FHIT: variants seen among roughly 807,000 people sequenced by gnomAD.
The protein encoded by FHIT is bis(5'-adenosyl)-triphosphatase.
FHIT carries 19 observed loss-of-function variants against 17.9 expected under a neutral mutation model. The ratio of observed to expected loss-of-function variants is 1.06; its 90% CI spans 0.74 to 1.56. The LOEUF is 1.56. Ranked by LOEUF, FHIT falls within the 40% of genes most tolerant of loss-of-function variation. FHIT has a pLI of 0.00. For synonymous variants in FHIT, 81 were observed against 69.7 expected (o/e 1.16, Z -0.81); for missense variants, 248 against 189.2 (o/e 1.31, Z -1.82).
intron 5 of FHIT, among the ~76,000 whole-genome samples, chr3:60,107,818 A>T (rs1395574731): frequency 6.6e-6 from 1 of 152,238 alleles, no homozygotes; most frequent in African/African-American, 2.4e-5. Flanking sequence ...CCATAAGAAT[A>T]TTAAAAACAG....
chr3:60,691,759 C>A (rs1296988441), intron 4 of FHIT, among the ~76,000 whole-genome samples: 5 of 152,176 alleles, frequency 3.3e-5, no homozygotes, highest in Non-Finnish European at 4.4e-5. Flanking sequence ...ATTTTCTTGA[C>A]TAATCCATCT....
chr3:60,907,145 C>CAA (rs548321154), intron 3 of FHIT, among the ~76,000 whole-genome samples: 1 of 150,486 alleles, frequency 6.6e-6, no homozygotes, highest in Non-Finnish European at 1.5e-5. Context: ...AAACACAAAA[C>CAA]AAAAAAAAAC....
chr3:60,622,411 T>G (rs1317098171), intron 4 of FHIT, among the ~76,000 whole-genome samples: 2 of 152,138 alleles, frequency 1.3e-5, no homozygotes, highest in African/African-American at 4.8e-5. Context: ...CTTAGGAAAC[T>G]GCTTTTGTCA....
chr3:59,849,667 G>A (rs1399123027), intron 8 of FHIT, among the ~76,000 whole-genome samples: 1 of 152,188 alleles, frequency 6.6e-6, no homozygotes, highest in East Asian at 1.9e-4. Flanking sequence ...CAAGAGACAT[G>A]TTTAGGAGGA....
At chr3:61,246,979 T>A (rs1054323278) in intron 1 of FHIT, among the ~76,000 whole-genome samples, 7 of 151,988 alleles carry the variant, frequency 4.6e-5, no homozygotes, top group African/African-American at 1.7e-4. Flanking sequence ...CAGACCTTCT[T>A]TCTGCTCATC....
chr3:60,239,546 C>T (rs1286570456), intron 5 of FHIT, among the ~76,000 whole-genome samples: 1 of 152,148 alleles, frequency 6.6e-6, no homozygotes, highest in African/African-American at 2.4e-5. Context: ...GCCTAGGCAA[C>T]AGACCACAAC....
At chr3:60,709,529 C>A (rs756427240) in intron 4 of FHIT, among the ~76,000 whole-genome samples, 8 of 152,080 alleles carry the variant, frequency 5.3e-5, no homozygotes, top group Non-Finnish European at 7.4e-5. Flanking sequence ...TGTGAAAAAT[C>A]CATGGTCTGT....
At chr3:60,952,628 C>T (rs1708941186) in intron 3 of FHIT, among the ~76,000 whole-genome samples, 2 of 152,062 alleles carry the variant, frequency 1.3e-5, no homozygotes, top group Non-Finnish European at 2.9e-5. Context: ...CAAAACAAAA[C>T]CCAGCAGGTG....
At chr3:60,490,972 G>C (rs899159936) in intron 5 of FHIT, among the ~76,000 whole-genome samples, 1 of 152,014 alleles carries the variant, frequency 6.6e-6, no homozygotes, top group African/African-American at 2.4e-5. Flanking sequence ...GAAGACAAAA[G>C]GTAATTGCAA....
intron 3 of FHIT, among the ~76,000 whole-genome samples, chr3:60,869,196 A>G (rs1553754478): frequency 1.3e-5 from 2 of 152,204 alleles, no homozygotes; most frequent in South Asian, 4.1e-4. Context: ...CCCCTGTGGA[A>G]GATCAATTCT....
chr3:60,707,285 T>C (rs1302885599), intron 4 of FHIT, among the ~76,000 whole-genome samples: 1 of 152,200 alleles, frequency 6.6e-6, no homozygotes, highest in Non-Finnish European at 1.5e-5. Context: ...GATGATTCTA[T>C]GATCTACTAT....
At chr3:59,782,666 T>C (rs1404050803) in intron 8 of FHIT, among the ~76,000 whole-genome samples, 3 of 152,198 alleles carry the variant, frequency 2.0e-5, no homozygotes, top group Non-Finnish European at 4.4e-5. Flanking sequence ...TTGATCAGCA[T>C]ACCTCAGGCT....
intron 4 of FHIT, among the ~76,000 whole-genome samples, chr3:60,542,501 C>A (rs1197122162): frequency 6.6e-6 from 1 of 152,116 alleles, no homozygotes; most frequent in African/African-American, 2.4e-5. Flanking sequence ...GGTAAAATGG[C>A]GTCTCTTCCT....
At chr3:60,411,488 G>T (rs150111219) in intron 5 of FHIT, among the ~76,000 whole-genome samples, 1 of 152,106 alleles carries the variant, frequency 6.6e-6, no homozygotes, top group Admixed American at 6.6e-5. Context: ...ACTGCCAAAC[G>T]TTGTAGGGTT....
chr3:60,961,384 G>C (rs1709435338), intron 3 of FHIT, among the ~76,000 whole-genome samples: 1 of 152,204 alleles, frequency 6.6e-6, no homozygotes, highest in Admixed American at 6.5e-5. Flanking sequence ...TAGGTTGCCT[G>C]TTCACTCTGA....
At chr3:59,847,797 T>C (rs535135273) in intron 8 of FHIT, among the ~76,000 whole-genome samples, 1 of 152,302 alleles carries the variant, frequency 6.6e-6, no homozygotes, top group East Asian at 1.9e-4. Flanking sequence ...CAAGGATCAC[T>C]CTGAGGTATA....
intron 5 of FHIT, among the ~76,000 whole-genome samples, chr3:60,148,006 G>T (rs1236932725): frequency 6.6e-6 from 1 of 152,120 alleles, no homozygotes; most frequent in African/African-American, 2.4e-5. Flanking sequence ...GGGTTTAATA[G>T]TAAATTATTC....
chr3:60,127,564 T>C (rs1321001057), intron 5 of FHIT, among the ~76,000 whole-genome samples: 1 of 152,174 alleles, frequency 6.6e-6, no homozygotes, highest in Admixed American at 6.5e-5. Flanking sequence ...GATATACATC[T>C]TATTTTTTAT....
At chr3:59,962,322 T>A (rs1361033591) in intron 7 of FHIT, among the ~76,000 whole-genome samples, 1 of 151,994 alleles carries the variant, frequency 6.6e-6, no homozygotes, top group Non-Finnish European at 1.5e-5. Flanking sequence ...TGTTCTCAGT[T>A]TTTTTCTTCT....
Sources: gnomAD v4.1 joint callset for allele counts (sites outside exome capture counted in the v4.1 genomes callset) on GRCh38, gnomAD v4.1.1 for gene constraint, MANE v1.5 for transcripts, NCBI Gene and HGNC (gene_info 2026-07-23, HGNC 2026-07-21) for gene names.